SCN8A: variants seen among roughly 807,000 people sequenced by gnomAD.
The protein encoded by SCN8A is sodium channel protein type 8 subunit alpha.
A neutral mutation model predicts 184.1 loss-of-function variants in SCN8A; 30 were observed. The ratio of observed to expected loss-of-function variants is 0.16; its 90% CI spans 0.12 to 0.22. The LOEUF is 0.22. Ranked by LOEUF, SCN8A falls within the 10% of genes least tolerant of loss-of-function variation. The probability of loss-of-function intolerance (pLI) is 1.00; values close to 1 mark genes in which losing one functional copy is unlikely to be tolerated. For missense variants in SCN8A, 1,057 were observed against 2,498.9 expected (o/e 0.42, Z 12.30); for synonymous variants, 852 against 907.0 (o/e 0.94, Z 1.09).
chr12:51,763,454 A>G lies in SCN8A; in HGVS notation c.2544+778A>G, dbSNP rs535126176. 5.9e-5 allele frequency among the ~76,000 whole-genome samples: 9 copies of G among 152,322 alleles called. No homozygotes were observed. The South Asian group carries it at 1.2e-3, about 21-fold the overall frequency. On this transcript the variant is annotated intron_variant, in intron 15 of 26. Coordinates refer to ENST00000627620, the MANE Select transcript of SCN8A (RefSeq NM_001330260.2). ...TCAGTAGGTTACGTATATTAAATGC[A>G]TTTTTACTTACAGCAGTTTCAACTT...
chr12:51,733,168 C>T (rs978681058), intron 12 of SCN8A, among the ~76,000 whole-genome samples: 2 of 152,042 alleles, frequency 1.3e-5, no homozygotes, highest in African/African-American at 4.8e-5. Flanking sequence ...TTTCCCTATC[C>T]AGTATAATAT....
At position 51,705,582 on chromosome 12, in the gene SCN8A, G is replaced by A; in HGVS notation, c.1300G>A (p.Ala434Thr). The A allele has an allele frequency of 6.2e-7, 1 of 1,613,850 alleles. No individual in the cohort carries two copies. The highest frequency in any genetic ancestry group is 8.5e-7 in the Non-Finnish European group (1 of 1,179,830). Residue 434 changes from alanine to threonine, a missense_variant, in exon 10 of 27, where the codon GCA (alanine) becomes ACA (threonine). Ala to Thr is a moderately conservative substitution (Grantham distance 58, BLOSUM62 0). This residue lies in a region of SCN8A where 27 missense variants were observed against 150.1 expected (regional missense o/e 0.18). Coordinates refer to ENST00000627620, the MANE Select transcript of SCN8A (RefSeq NM_001330260.2). The stretch of plus-strand genomic sequence containing the variant: ...AGAACAAAAAGAGGCTGAATTTAAA[G>A]CAATGTTGGAGCAACTTAAGAAGCA... ...EAEQKEAEFK[A>T]MLEQLKKQQE...
At chr12:51,714,786 AG>A (rs1233712929) in intron 11 of SCN8A, among the ~76,000 whole-genome samples, 2 of 152,222 alleles carry the variant, frequency 1.3e-5, no homozygotes, top group African/African-American at 4.8e-5. Flanking sequence ...GGAATGCAAA[AG>A]TTACACTCTC....
At chr12:51,594,225 A>G (rs1939295996) in intron 1 of SCN8A, among the ~76,000 whole-genome samples, 1 of 152,220 alleles carries the variant, frequency 6.6e-6, no homozygotes, top group South Asian at 2.1e-4. Context: ...CACATAACGT[A>G]GCTCATTCCA....
intron 14 of SCN8A, among the ~76,000 whole-genome samples, chr12:51,758,934 CCATACACACACA>C (rs1942721080): frequency 6.6e-6 from 1 of 151,404 alleles, no homozygotes; most frequent in Non-Finnish European, 1.5e-5. Context: ...TAGTACCAAG[CCATACACACACA>C]CATACACACA....
intron 2 of SCN8A, among the ~76,000 whole-genome samples, chr12:51,682,110 T>G (rs527921395): frequency 6.6e-6 from 1 of 152,352 alleles, no homozygotes; most frequent in Non-Finnish European, 1.5e-5. Context: ...TTTTTCTCCT[T>G]TATTAATATG....
intron 11 of SCN8A, among the ~76,000 whole-genome samples, chr12:51,710,719 CTG>C (rs1321878982): frequency 2.0e-5 from 3 of 152,178 alleles, no homozygotes; most frequent in African/African-American, 7.2e-5. Context: ...CCCTATTTTT[CTG>C]TCTTTGAATT....
At chr12:51,612,381 C>G (rs1459583017) in intron 1 of SCN8A, among the ~76,000 whole-genome samples, 4 of 152,132 alleles carry the variant, frequency 2.6e-5, no homozygotes, top group African/African-American at 9.7e-5. Flanking sequence ...CCAGGCTGGT[C>G]TTGAATTCCT....
intron 9 of SCN8A, among the ~76,000 whole-genome samples, chr12:51,704,741 G>A (rs1407203236): frequency 2.0e-5 from 3 of 151,174 alleles, no homozygotes; most frequent in Admixed American, 6.6e-5. Context: ...TTGGGAGGCC[G>A]AGGCGGGTGG....
At chr12:51,598,438 C>T (rs1259478598) in intron 1 of SCN8A, among the ~76,000 whole-genome samples, 1 of 152,136 alleles carries the variant, frequency 6.6e-6, no homozygotes, top group Non-Finnish European at 1.5e-5. Context: ...TAGAACTTTG[C>T]TGCAAATTGC....
chr12:51,738,931 G>T (rs1449286486), intron 12 of SCN8A, among the ~76,000 whole-genome samples: 1 of 152,186 alleles, frequency 6.6e-6, no homozygotes, highest in Admixed American at 6.5e-5. Context: ...TTGTACAGGG[G>T]TGAGGGAATG....
intron 11 of SCN8A, among the ~76,000 whole-genome samples, chr12:51,716,497 C>T (rs552732676): frequency 7.9e-5 from 12 of 152,204 alleles, no homozygotes; most frequent in African/African-American, 2.6e-4. Context: ...GAAAATGGAG[C>T]GTGCACTGGA....
intron 14 of SCN8A, among the ~76,000 whole-genome samples, chr12:51,754,854 G>A (rs571819164): frequency 3.0e-4 from 46 of 152,290 alleles, no homozygotes; most frequent in African/African-American, 1.1e-3. Context: ...TCTTCTTCAC[G>A]TTGTATCTAC....
At chr12:51,728,680 A>G (rs1370423975) in intron 12 of SCN8A, among the ~76,000 whole-genome samples, 2 of 150,940 alleles carry the variant, frequency 1.3e-5, no homozygotes, top group Non-Finnish European at 2.9e-5. Flanking sequence ...GGCTGCAGTG[A>G]GCAGTGATCA....
chr12:51,712,578 A>G, intron 11 of SCN8A: 3 of 777,740 alleles, frequency 3.9e-6, no homozygotes, highest in Non-Finnish European at 7.0e-6. Context: ...CCATAATTTG[A>G]TTGCTGTTGT....
At chr12:51,602,559 A>G (rs772416153) in intron 1 of SCN8A, among the ~76,000 whole-genome samples, 7 of 152,216 alleles carry the variant, frequency 4.6e-5, no homozygotes, top group Non-Finnish European at 8.8e-5. Context: ...GCATGTACTT[A>G]ATGTTACATA....
intron 1 of SCN8A, among the ~76,000 whole-genome samples, chr12:51,604,978 T>C (rs1939555133): frequency 6.6e-6 from 1 of 152,182 alleles, no homozygotes; most frequent in African/African-American, 2.4e-5. Flanking sequence ...GGGTGTTTTT[T>C]TGTTTCTCAC....
At chr12:51,780,053 A>G (rs1414236597) in intron 20 of SCN8A, 3 of 274,282 alleles carry the variant, frequency 1.1e-5, no homozygotes, top group African/African-American at 6.8e-5. Context: ...ATTGTTGTTA[A>G]TGTCGTGACG....
chr12:51,807,452 A>G lies in SCN8A; in HGVS notation c.*23A>G. On this transcript the variant is annotated 3_prime_UTR_variant, in exon 27 of 27. Coordinates refer to ENST00000627620, the MANE Select transcript of SCN8A (RefSeq NM_001330260.2). This position sits in a 1 kb window ranked among gnomAD's most constrained non-coding sequence, Gnocchi z 4.5. ...TAGAGGAGAACAAAAATTCAGTATTATACAGATCTAAAACTCGCAAGTGAA... is the reference window on the plus strand; with the variant it reads ...TAGAGGAGAACAAAAATTCAGTATTGTACAGATCTAAAACTCGCAAGTGAA... The G allele has an allele frequency of 6.3e-7, 1 of 1,586,678 alleles. No individual in the cohort carries two copies. The highest frequency in any genetic ancestry group is 8.6e-7 in the Non-Finnish European group (1 of 1,165,382).
Sources: gnomAD v4.1 joint callset for allele counts (sites outside exome capture counted in the v4.1 genomes callset) on GRCh38, gnomAD v4.1.1 for gene constraint, gnomAD v4.1.1 regional missense constraint, Gnocchi (gnomAD v3.1) non-coding constraint, MANE v1.5 for transcripts, NCBI Gene and HGNC (gene_info 2026-07-23, HGNC 2026-07-21) for gene names.